Variants in ZNF329 observed in about 807,000 individuals in gnomAD.
The protein encoded by ZNF329 is zinc finger protein 329.
A neutral mutation model predicts 26.6 loss-of-function variants in ZNF329; 15 were observed. That is an observed-to-expected ratio of 0.56 (90% confidence interval 0.38 to 0.87). The LOEUF is 0.87. Ranked by LOEUF, ZNF329 falls within the 40% of genes least tolerant of loss-of-function variation. The probability of loss-of-function intolerance (pLI) is 0.00; values close to 1 mark genes in which losing one functional copy is unlikely to be tolerated. For synonymous variants in ZNF329, 239 were observed against 233.5 expected (o/e 1.02, Z -0.21); for missense variants, 651 against 651.9 (o/e 1.00, Z 0.02).
At chr19:58,146,858 T>C (rs928603996) in intron 1 of ZNF329, among the ~76,000 whole-genome samples, 1 of 151,808 alleles carries the variant, frequency 6.6e-6, no homozygotes, top group Non-Finnish European at 1.5e-5. Flanking sequence ...CAGTGCTCAA[T>C]GGTGCCCAGG....
chr19:58,141,533 G>C (rs1243116809), intron 3 of ZNF329, among the ~76,000 whole-genome samples: 1 of 152,042 alleles, frequency 6.6e-6, no homozygotes, highest in African/African-American at 2.4e-5. Flanking sequence ...GACCTAAGGT[G>C]ATCAGCCTGC....
chr19:58,148,777 C>T (rs1294139595), intron 1 of ZNF329, among the ~76,000 whole-genome samples: 1 of 152,180 alleles, frequency 6.6e-6, no homozygotes, highest in East Asian at 1.9e-4. Flanking sequence ...ATATCTATAA[C>T]ATACTTCCAG....
chr19:58,151,375 G>A, upstream of ZNF329, among the ~76,000 whole-genome samples: 1 of 152,008 alleles, frequency 6.6e-6, no homozygotes, highest in Non-Finnish European at 1.5e-5. Context: ...CAAACGGACT[G>A]GGCTCACCTA....
chr19:58,130,388 T>C (rs1600050244), intron 3 of ZNF329, among the ~76,000 whole-genome samples: 1 of 151,674 alleles, frequency 6.6e-6, no homozygotes, highest in Admixed American at 6.6e-5. Flanking sequence ...AACTGGATCA[T>C]GTCGGCCAGG....
intron 3 of ZNF329, among the ~76,000 whole-genome samples, chr19:58,133,131 C>T (rs2074986038): frequency 6.6e-6 from 1 of 152,092 alleles, no homozygotes; most frequent in South Asian, 2.1e-4. Flanking sequence ...TCTTAAAGGC[C>T]AGCAGAGAGA....
chr19:58,128,010 C>T lies in ZNF329; in HGVS notation c.1494G>A (p.Leu498=), dbSNP rs1325717121. The change falls in exon 4 of 4, where the codon CTG becomes CTA. Residue 498 remains leucine, a synonymous_variant. Transcript: ENST00000598312. ...CGKSFKQNSH[L]AVHQRLHSRE... is the part of the protein sequence containing the mutation. Reference sequence around the variant, plus strand: ...TGCTATGGAGTCTCTGATGTACTGCCAGGTGAGAGTTCTGCTTGAAGGACT... The same window carrying T: ...TGCTATGGAGTCTCTGATGTACTGCTAGGTGAGAGTTCTGCTTGAAGGACT... The T allele has an allele frequency of 6.2e-7, 1 of 1,614,022 alleles. No homozygotes were observed. The highest frequency in any genetic ancestry group is 2.2e-5 in the East Asian group (1 of 44,868).
chr19:58,149,697 A>G (rs2075406002), intron 1 of ZNF329, among the ~76,000 whole-genome samples: 1 of 152,234 alleles, frequency 6.6e-6, no homozygotes, highest in Admixed American at 6.5e-5. Flanking sequence ...AACAAGCCCA[A>G]GTTCCTATAG....
At chr19:58,136,251 G>C (rs984162124) in intron 3 of ZNF329, among the ~76,000 whole-genome samples, 3 of 150,644 alleles carry the variant, frequency 2.0e-5, no homozygotes, top group African/African-American at 7.3e-5. Flanking sequence ...AGAAAAAAAA[G>C]AAAAGGAAAA....
intron 3 of ZNF329, among the ~76,000 whole-genome samples, chr19:58,137,655 G>C (rs1653937802): frequency 1.3e-5 from 2 of 151,684 alleles, no homozygotes; most frequent in Non-Finnish European, 2.9e-5. Flanking sequence ...ACAAATGAAA[G>C]AGACCATTAA....
chr19:58,145,429 C>T (rs1267247706), intron 1 of ZNF329, among the ~76,000 whole-genome samples: 2 of 142,326 alleles, frequency 1.4e-5, no homozygotes, highest in African/African-American at 5.4e-5. Flanking sequence ...TTAAGTGATT[C>T]TCCTGCCTCA....
intron 3 of ZNF329, among the ~76,000 whole-genome samples, chr19:58,136,362 T>TTAA (rs1013019889): frequency 1.3e-5 from 2 of 151,910 alleles, no homozygotes; most frequent in African/African-American, 4.8e-5. Context: ...AATGCTGGTC[T>TTAA]TTAATGCCTA....
upstream of ZNF329, among the ~76,000 whole-genome samples, chr19:58,152,558 GT>G (rs1363596033): frequency 2.0e-5 from 3 of 152,168 alleles, no homozygotes; most frequent in African/African-American, 7.2e-5. Flanking sequence ...ACAGTATCTG[GT>G]TAAAAGAACA....
chr19:58,148,265 G>A (rs551180564), intron 1 of ZNF329, among the ~76,000 whole-genome samples: 4 of 150,686 alleles, frequency 2.7e-5, no homozygotes, highest in Middle Eastern at 3.4e-3. Context: ...GCGGAAGGCC[G>A]CAGGGTCCTC....
intron 1 of ZNF329, among the ~76,000 whole-genome samples, chr19:58,146,678 G>A (rs1425266056): frequency 1.3e-5 from 2 of 151,318 alleles, no homozygotes; most frequent in East Asian, 2.0e-4. Context: ...AGCCTGCCGA[G>A]TGCCTGCAAT....
rs2146050882 is a variant in ZNF329 at position 58,128,603 on chromosome 19, A to G, written c.901T>C (p.Ser301Pro). Residue 301 changes from serine to proline, a missense_variant, in exon 4 of 4, where the codon TCC (serine) becomes CCC (proline). Transcript: ENST00000598312. The part of the protein sequence containing the change: ...ECGKTFNRNS[S>P]LILHQRTHTG... ...TGAGTTCTTTGGTGCAAAATTAAGG[A>G]TGAATTTCGGTTGAAGGTTTTTCCA... 6.2e-7 allele frequency: 1 copy of G among 1,611,598 alleles called. No homozygotes were observed. The highest frequency in any genetic ancestry group is 2.2e-5 in the East Asian group (1 of 44,830).
chr19:58,129,391 C>T lies in ZNF329; in HGVS notation c.113G>A (p.Trp38Ter). 6.2e-7 allele frequency: 1 copy of T among 1,614,178 alleles called. No homozygotes were observed. Among genetic ancestry groups the T allele is most frequent in the Non-Finnish European group, 8.5e-7 (1 of 1,180,030 alleles). Residue 38 changes from tryptophan to a stop codon, truncating the protein, a stop_gained, in exon 4 of 4, where the codon TGG becomes TAG. Transcript: ENST00000598312. LOFTEE classifies it low-confidence loss of function (END_TRUNC). The part of the protein sequence containing the change: ...VPCLSSLGDG[W>*]DCENQEGHLR... The stretch of plus-strand genomic sequence containing the variant: ...GTGTCCCTCCTGGTTCTCACAGTCC[C>T]AACCATCACCTAAACTGGACAAGCA...
chr19:58,130,158 A>G (rs992887591), intron 3 of ZNF329, among the ~76,000 whole-genome samples: 6 of 152,134 alleles, frequency 3.9e-5, no homozygotes, highest in Non-Finnish European at 8.8e-5. Flanking sequence ...CGTCTCTACT[A>G]AAAATACAAA....
chr19:58,134,608 T>A (rs1424550211), intron 3 of ZNF329, among the ~76,000 whole-genome samples: 1 of 151,998 alleles, frequency 6.6e-6, no homozygotes, highest in Non-Finnish European at 1.5e-5. Flanking sequence ...CAAGTGAGGA[T>A]CACAGGGCAA....
At position 58,129,090 on chromosome 19, in the gene ZNF329, T is replaced by C; in HGVS notation, c.414A>G (p.Gly138=). ...AGGGCTTCTCTCTCACTGGATTTCT[T>C]CCATGAATAACTTCCATGGAATGGT... ...GFNHSMEVIH[G]RNPVREKPYK... is the part of the protein sequence containing the mutation. Residue 138 remains glycine (G), a synonymous_variant, in exon 4 of 4, where the codon GGA becomes GGG. Transcript: ENST00000598312. 6.2e-7 allele frequency: 1 copy of C among 1,614,048 alleles called. No individual in the cohort carries two copies. Among genetic ancestry groups the C allele is most frequent in the South Asian group, 1.1e-5 (1 of 91,084 alleles).
Sources: allele counts gnomAD v4.1 joint callset (sites outside exome capture counted in the v4.1 genomes callset), GRCh38; gene constraint gnomAD v4.1.1; transcripts MANE v1.5; gene names NCBI Gene and HGNC (gene_info 2026-07-23, HGNC 2026-07-21).